SQSTM1: variants seen among roughly 807,000 people sequenced by gnomAD.
SQSTM1 encodes sequestosome 1.
In SQSTM1, 36 loss-of-function variants were observed where a neutral mutation model predicts 45.1. The observed-to-expected ratio is 0.80, with a 90% CI of 0.61 to 1.05. SQSTM1 has a LOEUF of 1.05. Among genes scored for constraint, SQSTM1 ranks in the 50% least tolerant of loss-of-function variants. SQSTM1 has a pLI of 0.00. For synonymous variants in SQSTM1, 290 were observed against 244.3 expected, an observed-to-expected ratio of 1.19 and a Z score of -1.74; for missense variants, 617 against 607.1, an observed-to-expected ratio of 1.02 and a Z score of -0.17.
chr5:179,833,571 G>A lies in SQSTM1; in HGVS notation c.970-16G>A, dbSNP rs1582022134. 1.2e-6 allele frequency: 2 copies of A among 1,614,078 alleles called. No individual in the cohort carries two copies. Among genetic ancestry groups the A allele is most frequent in the African/African-American group, 1.3e-5 (1 of 75,048 alleles). Reference sequence around the variant, plus strand: ...TGCGCGTGTCTCCTGTGTGCTCATGGTGAGTTTTGTTCCAGGAACAGATGG... The same window carrying A: ...TGCGCGTGTCTCCTGTGTGCTCATGATGAGTTTTGTTCCAGGAACAGATGG... On this transcript the variant is annotated splice_polypyrimidine_tract_variant and intron_variant, in intron 6 of 7. Coordinates refer to ENST00000389805, the MANE Select transcript of SQSTM1 (RefSeq NM_003900.5).
Position 179,823,889 on chromosome 5 carries a change from A to C in SQSTM1, c.333A>C (p.Pro111=), listed in dbSNP as rs770397751. The C allele has an allele frequency of 1.3e-5, 21 of 1,613,050 alleles. No homozygotes were observed. The highest frequency in any genetic ancestry group is 1.7e-5 in the Non-Finnish European group (20 of 1,179,988). ...EKKECRRDHR[P]PCAQEAPRNM... ...AAGAGTGCCGGCGGGACCACCGCCCACCGTGTGCTCAGGAGGCGCCCCGCA... is the reference window on the plus strand; with the variant it reads ...AAGAGTGCCGGCGGGACCACCGCCCCCCGTGTGCTCAGGAGGCGCCCCGCA... Residue 111 remains proline (P), a synonymous_variant, in exon 3 of 8, where the codon CCA becomes CCC. Transcript: ENST00000389805.
chr5:179,830,546 T>C (rs1291695789), intron 5 of SQSTM1, among the ~76,000 whole-genome samples: 1 of 150,020 alleles, frequency 6.7e-6, no homozygotes, highest in Non-Finnish European at 1.5e-5. Context: ...TGTGCCTAGA[T>C]ATTTTTTTTT....
In SQSTM1 at chr5:179,806,497, G is replaced by A; in HGVS notation, c.-251G>A. Reference sequence around the variant, plus strand: ...GGGGGTCGCGCTCACCTTTCTGGCCGCTGAGTGCCGCGTACCAGGACAGCG... The same window carrying A: ...GGGGGTCGCGCTCACCTTTCTGGCCACTGAGTGCCGCGTACCAGGACAGCG... On this transcript the variant is annotated 5_prime_UTR_variant, in exon 1 of 6. Coordinates refer to the SQSTM1 transcript ENST00000514093. The surrounding 1 kb of genome is among the most constrained non-coding windows in gnomAD (Gnocchi z 4.6). 3 of 1,312,448 alleles carry A rather than the reference G, an allele frequency of 2.3e-6. No homozygotes were observed. Among genetic ancestry groups the A allele is most frequent in the Admixed American group, 2.7e-5 (1 of 37,404 alleles). 81.3% of individuals were successfully genotyped at this position (1,312,448 alleles called of 1,614,324 possible). A position where few individuals can be genotyped will look rare whatever the true frequency, so the allele number is the denominator to read the frequency against.
chr5:179,824,144 C>T, intron 3 of SQSTM1, 38 bp from the exon 4 acceptor site: 1 of 1,613,528 alleles, frequency 6.2e-7, no homozygotes, highest in South Asian at 1.1e-5. Flanking sequence ...GAACCTTGAC[C>T]CGCTCACTGC....
intron 1 of SQSTM1, among the ~76,000 whole-genome samples, chr5:179,809,719 C>T (rs1757337712): frequency 6.9e-6 from 1 of 145,736 alleles, no homozygotes; most frequent in Non-Finnish European, 1.5e-5. Context: ...TCTGGGCTCA[C>T]TGCAACCTCC....
At chr5:179,815,983 A>G (rs576093059), upstream of SQSTM1, among the ~76,000 whole-genome samples, 1 of 152,186 alleles carries the variant, frequency 6.6e-6, no homozygotes, top group Non-Finnish European at 1.5e-5. Context: ...AGGGAGGTCG[A>G]AGAGCTGAGT....
At chr5:179,825,324 C>A in intron 5 of SQSTM1, 98 bp downstream of exon 5, 1 of 1,067,522 alleles carries the variant, frequency 9.4e-7, no homozygotes. Flanking sequence ...TTGACATGCC[C>A]TTGACACTGG....
chr5:179,827,114 T>A lies in SQSTM1; in HGVS notation c.754+1888T>A, dbSNP rs566024570. 2.0e-5 allele frequency among the ~76,000 whole-genome samples: 3 copies of A among 152,282 alleles called. No homozygotes were observed. The South Asian group carries it at 6.2e-4, about 32-fold the overall frequency. On this transcript the variant is annotated intron_variant, in intron 5 of 7. Transcript: ENST00000389805. ...GTTCAGGTAGAGACTTTTAAAACAG[T>A]GCAGATCCCCAGACCTTACCTTTTT...
intron 2 of SQSTM1, chr5:179,823,607 G>A: frequency 1.7e-6 from 1 of 573,496 alleles, no homozygotes. Context: ...TGAAGGGCAA[G>A]GCCAAAGCTG....
Position 179,832,960 on chromosome 5 carries a change from A to G in SQSTM1, c.755-72A>G, listed in dbSNP as rs1582020641. Reference sequence around the variant, plus strand: ...ATCTTCGTGAGTCTGTAGTCTCCACAGGCCAAGCTCCTGCTTGCAGGTGCA... The same window carrying G: ...ATCTTCGTGAGTCTGTAGTCTCCACGGGCCAAGCTCCTGCTTGCAGGTGCA... On this transcript the variant is annotated intron_variant, in intron 5 of 7. Transcript: ENST00000389805. 2.0e-6 allele frequency: 3 copies of G among 1,495,242 alleles called. No homozygotes were observed. The Admixed American group carries it at 5.0e-5, about 25-fold the overall frequency. 92.6% of individuals were successfully genotyped at this position (1,495,242 alleles called of 1,614,324 possible). A position where few individuals can be genotyped will look rare whatever the true frequency, so the allele number is the denominator to read the frequency against.
At chr5:179,819,277 C>T (rs1432748688), upstream of SQSTM1, among the ~76,000 whole-genome samples, 3 of 152,186 alleles carry the variant, frequency 2.0e-5, no homozygotes, top group Non-Finnish European at 4.4e-5. Context: ...CGGGTGTCCA[C>T]CCCAGCTTCC....
At chr5:179,832,570 G>C (rs1261865566) in intron 5 of SQSTM1, among the ~76,000 whole-genome samples, 1 of 152,246 alleles carries the variant, frequency 6.6e-6, no homozygotes, top group Non-Finnish European at 1.5e-5. Flanking sequence ...TGTGGTATTG[G>C]CTCTCCCTGT....
rs1182554999 is a variant in SQSTM1 at position 179,822,795 on chromosome 5, A to G, written c.206-163A>G. On this transcript the variant is annotated intron_variant, in intron 1 of 7. Coordinates refer to ENST00000389805, the MANE Select transcript of SQSTM1 (RefSeq NM_003900.5). The stretch of plus-strand genomic sequence containing the variant: ...TCACCTTCCAGGAGGTGCCAGAGCA[A>G]GGGGGTAGTCTTGCCTCTCACTCCT... 4.3e-6 allele frequency: 3 copies of G among 701,126 alleles called. No homozygotes were observed. The East Asian group carries it at 8.4e-5, about 20-fold the overall frequency. 43.4% of individuals were successfully genotyped at this position (701,126 alleles called of 1,614,324 possible).
upstream of SQSTM1, among the ~76,000 whole-genome samples, chr5:179,816,150 CAGA>C (rs1757571194): frequency 1.3e-5 from 2 of 152,070 alleles, no homozygotes; most frequent in Admixed American, 1.3e-4. Flanking sequence ...ATAATTCTTC[CAGA>C]AGGTTTTCTT....
At chr5:179,821,582 C>T (rs761713339) in intron 1 of SQSTM1, 5 of 453,386 alleles carry the variant, frequency 1.1e-5, no homozygotes, top group East Asian at 7.4e-5. Context: ...CTGGAGGAGC[C>T]GGGCGAGCGC....
chr5:179,812,031 C>G (rs894120549), intron 2 of SQSTM1: 3 of 152,098 alleles, frequency 2.0e-5, no homozygotes, highest in Admixed American at 6.5e-5. Context: ...GTCTCGATCT[C>G]CTGACTTCAT....
chr5:179,806,861 GAC>G lies in SQSTM1; in HGVS notation c.-157+273_-157+274del, dbSNP rs1309093070. On this transcript the variant is annotated intron_variant, in intron 1 of 5. Transcript: ENST00000514093. This position sits in a 1 kb window ranked among gnomAD's most constrained non-coding sequence, Gnocchi z 4.6. ...CTCACTGCAGATATCAGGGGCGCGG[GAC>G]ACTGGCGGCCTCGCCTCCGCGGCAG... The G allele has an allele frequency of 6.6e-6, 1 of 150,868 alleles. No homozygotes were observed. The highest frequency in any genetic ancestry group is 1.5e-5 in the Non-Finnish European group (1 of 67,934). 9.3% of individuals were successfully genotyped at this position (150,868 alleles called of 1,614,324 possible).
At chr5:179,806,403 CGCCTTCCGCG>C in exon 1 of SQSTM1, 1 of 869,162 alleles carries the variant, frequency 1.2e-6, no homozygotes, top group Non-Finnish European at 1.4e-6. This position sits in a 1 kb window ranked among gnomAD's most constrained non-coding sequence, Gnocchi z 4.6. Context: ...GGCTTCCGGC[CGCCTTCCGCG>C]GCCACCGCCG....
chr5:179,821,242 C>G (rs1392017863), intron 1 of SQSTM1, 101 bp downstream of exon 1: 4 of 1,147,286 alleles, frequency 3.5e-6, no homozygotes, highest in Non-Finnish European at 4.5e-6. Context: ...CCTGGCGGGC[C>G]GTGAGGGGGT....
Sources: gnomAD v4.1 joint callset for allele counts (sites outside exome capture counted in the v4.1 genomes callset) on GRCh38, gnomAD v4.1.1 for gene constraint, Gnocchi (gnomAD v3.1) non-coding constraint, MANE v1.5 for transcripts, NCBI Gene and HGNC (gene_info 2026-07-23, HGNC 2026-07-21) for gene names.